EXOC4: variants seen among roughly 807,000 people sequenced by gnomAD.
The protein encoded by EXOC4 is SEC8-like 1.
In EXOC4, 71 loss-of-function variants were observed where a neutral mutation model predicts 107.2. The ratio of observed to expected loss-of-function variants is 0.66; its 90% CI spans 0.55 to 0.81. EXOC4 has a LOEUF of 0.81. Ranked by LOEUF, EXOC4 falls within the 30% of genes least tolerant of loss-of-function variation. The pLI is 0.00. For missense variants in EXOC4, 1,108 were observed against 1,189.6 expected, an observed-to-expected ratio of 0.93 and a Z score of 1.01; for synonymous variants, 456 against 441.2, an observed-to-expected ratio of 1.03 and a Z score of -0.42.
chr7:133,753,652 T>C (rs1400846117), intron 10 of EXOC4, among the ~76,000 whole-genome samples: 1 of 152,222 alleles, frequency 6.6e-6, no homozygotes, highest in Non-Finnish European at 1.5e-5. Context: ...AGGAAGCACA[T>C]TCCTGCCTGA....
intron 5 of EXOC4, among the ~76,000 whole-genome samples, chr7:133,342,101 T>G (rs1482286041): frequency 6.6e-6 from 1 of 152,160 alleles, no homozygotes; most frequent in Non-Finnish European, 1.5e-5. Flanking sequence ...TACCTTGGTT[T>G]TTTTTTTTCA....
chr7:133,257,993 C>T (rs145749660), intron 1 of EXOC4, among the ~76,000 whole-genome samples: 25 of 152,238 alleles, frequency 1.6e-4, no homozygotes, highest in African/African-American at 4.1e-4. Context: ...TGTTCTGAGC[C>T]GAGTCTTGGA....
In EXOC4 at chr7:133,253,088, T is replaced by C; in HGVS notation, c.-14T>C. 1 of 1,613,970 alleles carries C rather than the reference T, an allele frequency of 6.2e-7. No homozygotes were observed. Among genetic ancestry groups the C allele is most frequent in the Non-Finnish European group, 8.5e-7 (1 of 1,179,864 alleles). On this transcript the variant is annotated 5_prime_UTR_variant, in exon 1 of 18. Coordinates refer to ENST00000253861, the MANE Select transcript of EXOC4 (RefSeq NM_021807.4). ...TGGCTTCCTTGGAGCCTAGCGGCTC[T>C]CCCCGCGTCCAAGATGGCGGCAGAA...
intron 9 of EXOC4, among the ~76,000 whole-genome samples, chr7:133,564,052 A>G (rs1448752611): frequency 6.6e-6 from 1 of 152,138 alleles, no homozygotes; most frequent in Non-Finnish European, 1.5e-5. Flanking sequence ...CTTCATAGAA[A>G]TTTTTTTATT....
At chr7:133,759,162 T>TG (rs1795982635) in intron 10 of EXOC4, among the ~76,000 whole-genome samples, 1 of 148,792 alleles carries the variant, frequency 6.7e-6, no homozygotes, top group Non-Finnish European at 1.5e-5. Flanking sequence ...TTTTTTTTTT[T>TG]GTTAGAGATG....
At chr7:133,832,363 G>A (rs1209453317) in intron 11 of EXOC4, among the ~76,000 whole-genome samples, 1 of 152,142 alleles carries the variant, frequency 6.6e-6, no homozygotes, top group African/African-American at 2.4e-5. Flanking sequence ...AAAGTTCTGT[G>A]AGTTTTGACA....
intron 9 of EXOC4, among the ~76,000 whole-genome samples, chr7:133,629,707 A>AT (rs202204479): frequency 1.6e-3 from 224 of 142,894 alleles, no homozygotes; most frequent in African/African-American, 1.8e-3. Context: ...TGCCTGGCTA[A>AT]TTTTTTTTTT....
At chr7:133,345,264 C>T (rs1231200082) in intron 5 of EXOC4, among the ~76,000 whole-genome samples, 2 of 152,160 alleles carry the variant, frequency 1.3e-5, no homozygotes, top group African/African-American at 4.8e-5. Flanking sequence ...GATTAAATGA[C>T]TCAAGGGAGA....
chr7:133,435,880 G>A (rs1797959432), intron 7 of EXOC4, among the ~76,000 whole-genome samples: 1 of 152,040 alleles, frequency 6.6e-6, no homozygotes, highest in Non-Finnish European at 1.5e-5. Flanking sequence ...ATGGATAAGT[G>A]AATGAATATG....
chr7:133,947,661 T>C (rs1800586977), intron 14 of EXOC4, among the ~76,000 whole-genome samples: 1 of 152,088 alleles, frequency 6.6e-6, no homozygotes, highest in Non-Finnish European at 1.5e-5. Context: ...CCCCCCTCCG[T>C]AAGGAGGTGA....
intron 9 of EXOC4, among the ~76,000 whole-genome samples, chr7:133,593,500 A>T (rs1181342954): frequency 1.3e-5 from 2 of 152,190 alleles, no homozygotes; most frequent in Admixed American, 6.5e-5. Context: ...ATAAAATGGG[A>T]ATCAATGTGT....
At chr7:134,093,409 C>T in the EXOC4 span, among the ~76,000 whole-genome samples, 1 of 152,138 alleles carries the variant, frequency 6.6e-6, no homozygotes, top group Non-Finnish European at 1.5e-5. Context: ...CATTGAAGCA[C>T]CCAGATTATT....
chr7:133,476,234 C>A (rs1799009442), intron 8 of EXOC4, among the ~76,000 whole-genome samples: 1 of 152,096 alleles, frequency 6.6e-6, no homozygotes, highest in Non-Finnish European at 1.5e-5. Flanking sequence ...TTACTAATTA[C>A]AACAACCTTA....
chr7:133,525,747 A>G (rs1313420790), intron 9 of EXOC4, among the ~76,000 whole-genome samples: 1 of 152,172 alleles, frequency 6.6e-6, no homozygotes, highest in Non-Finnish European at 1.5e-5. Context: ...CACCTGTAAT[A>G]TAGTATGAAA....
In EXOC4 at chr7:133,623,861, G is replaced by A. The variant is rs547090572; in HGVS notation, c.1418-6184G>A. ...AGTGGTGGTGGTAGGAGCAGCAACA[G>A]CATTAAGCCATAATGATCGCATGTG... On this transcript the variant is annotated intron_variant, in intron 9 of 17. Transcript: ENST00000253861. Among the ~76,000 whole-genome samples, 3 of 152,260 alleles carry A rather than the reference G, an allele frequency of 2.0e-5. No individual in the cohort carries two copies. In the East Asian group the frequency reaches 5.8e-4, roughly 29 times the overall value.
intron 9 of EXOC4, among the ~76,000 whole-genome samples, chr7:133,494,609 A>C (rs1584957812): frequency 6.6e-6 from 1 of 152,200 alleles, no homozygotes; most frequent in African/African-American, 2.4e-5. Context: ...AACTTTTTCC[A>C]TAAGAATTCT....
chr7:133,266,473 A>G (rs1476747938), intron 1 of EXOC4, among the ~76,000 whole-genome samples: 1 of 152,228 alleles, frequency 6.6e-6, no homozygotes, highest in Non-Finnish European at 1.5e-5. Flanking sequence ...CTCATCACCT[A>G]CAGATAGTCT....
chr7:133,911,030 C>T (rs535490420), intron 12 of EXOC4, among the ~76,000 whole-genome samples: 32 of 152,322 alleles, frequency 2.1e-4, no homozygotes, highest in Admixed American at 5.9e-4. Context: ...GAATGAAATT[C>T]ACTCAGCTGT....
intron 9 of EXOC4, among the ~76,000 whole-genome samples, chr7:133,492,634 T>C (rs923540765): frequency 6.6e-6 from 1 of 152,190 alleles, no homozygotes; most frequent in Non-Finnish European, 1.5e-5. Flanking sequence ...TATTTTTTAA[T>C]TGCAAATACT....
Sources: allele counts gnomAD v4.1 joint callset (sites outside exome capture counted in the v4.1 genomes callset), GRCh38; gene constraint gnomAD v4.1.1; transcripts MANE v1.5; gene names NCBI Gene and HGNC (gene_info 2026-07-23, HGNC 2026-07-21).